The following SYNPR variants were observed in gnomAD, a reference collection of about 807,000 sequenced individuals.
SYNPR encodes synaptoporin.
Under a neutral mutation model 32.9 loss-of-function variants are expected in SYNPR, and 23 were observed. The ratio of observed to expected loss-of-function variants is 0.70; its 90% CI spans 0.50 to 0.99. The LOEUF (loss-of-function observed/expected upper bound fraction) is 0.99. Among genes scored for constraint, SYNPR ranks in the 50% least tolerant of loss-of-function variants. SYNPR has a pLI of 0.00. For synonymous variants in SYNPR, 146 were observed against 135.9 expected (o/e 1.07, Z -0.52); for missense variants, 318 against 349.3 (o/e 0.91, Z 0.71).
intron 2 of SYNPR, among the ~76,000 whole-genome samples, chr3:63,369,827 C>A (rs1230964403): frequency 6.6e-6 from 1 of 152,114 alleles, no homozygotes; most frequent in Non-Finnish European, 1.5e-5. Context: ...TTTTTAGACT[C>A]CCTTTATGTT....
intron 2 of SYNPR, among the ~76,000 whole-genome samples, chr3:63,266,812 G>C (rs1297166526): frequency 6.6e-6 from 1 of 152,062 alleles, no homozygotes; most frequent in Non-Finnish European, 1.5e-5. Context: ...GGCTCACTCA[G>C]GGCTGGCTTC....
At chr3:63,551,411 C>A (rs1362609103) in intron 3 of SYNPR, among the ~76,000 whole-genome samples, 2 of 152,102 alleles carry the variant, frequency 1.3e-5, no homozygotes, top group Admixed American at 6.6e-5. Context: ...CAAATGTTAT[C>A]ATTTCTCTTG....
At chr3:63,331,641 C>G (rs920404380) in intron 2 of SYNPR, among the ~76,000 whole-genome samples, 1 of 152,040 alleles carries the variant, frequency 6.6e-6, no homozygotes, top group South Asian at 2.1e-4. Context: ...CATGCTAACA[C>G]TTTTACTTGA....
chr3:63,416,981 C>T (rs928259750), intron 2 of SYNPR, among the ~76,000 whole-genome samples: 1 of 152,160 alleles, frequency 6.6e-6, no homozygotes, highest in Non-Finnish European at 1.5e-5. Flanking sequence ...CCTCACATTT[C>T]AAAACCAGTC....
intron 2 of SYNPR, among the ~76,000 whole-genome samples, chr3:63,333,064 A>C (rs964143421): frequency 6.6e-6 from 1 of 152,212 alleles, no homozygotes; most frequent in South Asian, 2.1e-4. Context: ...CCTTAGAATA[A>C]TAAGTCATAT....
intron 2 of SYNPR, among the ~76,000 whole-genome samples, chr3:63,391,347 C>T (rs1026899602): frequency 5.9e-5 from 9 of 152,280 alleles, no homozygotes; most frequent in Middle Eastern, 3.4e-3. Context: ...AAAGGATGTT[C>T]GTATCTTAGT....
rs1254169154 is a variant in SYNPR, at chr3:63,446,623, G to A, written c.85-34209G>A. On this transcript the variant is annotated intron_variant, in intron 2 of 5. Coordinates refer to ENST00000478300, the MANE Select transcript of SYNPR (RefSeq NM_001130003.2). ...AAGCAGGGCATTCTAGTCATAAAGT[G>A]AGCCTGTAAAATGCTGCATTATGAG... Among the ~76,000 whole-genome samples the A allele has an allele frequency of 2.0e-5, 3 of 152,120 alleles. No homozygotes were observed. In the East Asian group the frequency reaches 5.8e-4, roughly 29 times the overall value.
chr3:63,455,629 G>A (rs1018118930), intron 2 of SYNPR, among the ~76,000 whole-genome samples: 4 of 152,010 alleles, frequency 2.6e-5, no homozygotes, highest in African/African-American at 9.7e-5. Context: ...GTTCTGACAG[G>A]GCAGATGTTC....
chr3:63,379,680 T>C (rs1280898997), intron 2 of SYNPR, among the ~76,000 whole-genome samples: 1 of 151,902 alleles, frequency 6.6e-6, no homozygotes, highest in Admixed American at 6.6e-5. Flanking sequence ...TTTTTGATTC[T>C]TTTGCTTTCT....
intron 4 of SYNPR, among the ~76,000 whole-genome samples, chr3:63,582,912 T>G (rs778224624): frequency 1.2e-4 from 19 of 152,068 alleles, no homozygotes; most frequent in Non-Finnish European, 2.9e-5. Context: ...CTCATGTAAG[T>G]GTCACGCGTG....
At chr3:63,360,513 G>A (rs567010650) in intron 2 of SYNPR, among the ~76,000 whole-genome samples, 10 of 152,216 alleles carry the variant, frequency 6.6e-5, no homozygotes, top group South Asian at 4.1e-4. Flanking sequence ...TTTCTATTAC[G>A]TTAAAAGTAA....
chr3:63,451,857 C>T (rs1406057944), intron 2 of SYNPR, among the ~76,000 whole-genome samples: 1 of 152,098 alleles, frequency 6.6e-6, no homozygotes, highest in South Asian at 2.1e-4. Context: ...TACATTTGAT[C>T]AGAAAACTCG....
intron 2 of SYNPR, among the ~76,000 whole-genome samples, chr3:63,331,750 A>T (rs1012032257): frequency 6.6e-6 from 1 of 152,192 alleles, no homozygotes; most frequent in Non-Finnish European, 1.5e-5. Context: ...TTTATGAGGA[A>T]ATTGAAACTG....
intron 2 of SYNPR, among the ~76,000 whole-genome samples, chr3:63,418,196 C>T (rs1444055609): frequency 1.3e-5 from 2 of 152,140 alleles, no homozygotes; most frequent in Admixed American, 1.3e-4. Flanking sequence ...TTCCACAAAT[C>T]TCTGGGGTGG....
intron 2 of SYNPR, among the ~76,000 whole-genome samples, chr3:63,432,856 G>A (rs2107147684): frequency 6.6e-6 from 1 of 152,324 alleles, no homozygotes; most frequent in Non-Finnish European, 1.5e-5. Context: ...GTAATCACTA[G>A]CTTCATGTGC....
At chr3:63,352,920 C>G (rs991874125) in intron 2 of SYNPR, among the ~76,000 whole-genome samples, 2 of 152,158 alleles carry the variant, frequency 1.3e-5, no homozygotes, top group African/African-American at 2.4e-5. Flanking sequence ...TACCTCCCAC[C>G]GGGTCCCTCC....
intron 4 of SYNPR, among the ~76,000 whole-genome samples, chr3:63,595,462 G>T (rs1473448350): frequency 1.3e-5 from 2 of 151,504 alleles, no homozygotes; most frequent in African/African-American, 2.4e-5. Flanking sequence ...GGATTAGTGG[G>T]ATTTGTCTAA....
chr3:63,583,392 T>A (rs2106865134), intron 4 of SYNPR, among the ~76,000 whole-genome samples: 1 of 152,212 alleles, frequency 6.6e-6, no homozygotes, highest in East Asian at 1.9e-4. Context: ...TGTCTTTTTA[T>A]TTATAAAATA....
chr3:63,565,043 T>A (rs1444192704), intron 4 of SYNPR, among the ~76,000 whole-genome samples: 1 of 152,196 alleles, frequency 6.6e-6, no homozygotes, highest in Admixed American at 6.5e-5. Context: ...AAAATCAAGA[T>A]CTTGCAGAAA....
Sources: gnomAD v4.1 joint callset for allele counts (sites outside exome capture counted in the v4.1 genomes callset) on GRCh38, gnomAD v4.1.1 for gene constraint, MANE v1.5 for transcripts, NCBI Gene and HGNC (gene_info 2026-07-23, HGNC 2026-07-21) for gene names.